The following OSBPL7 variants were observed in gnomAD, a reference collection of about 807,000 sequenced individuals.
The protein encoded by OSBPL7 is oxysterol binding protein like 7.
A neutral mutation model predicts 115.8 loss-of-function variants in OSBPL7; 66 were observed. The ratio of observed to expected loss-of-function variants is 0.57; its 90% CI spans 0.47 to 0.70. The LOEUF is 0.70. Ranked by LOEUF, OSBPL7 falls within the 30% of genes least tolerant of loss-of-function variation. OSBPL7 has a pLI of 0.00. For synonymous variants in OSBPL7, 441 were observed against 439.2 expected (o/e 1.00, Z -0.05); for missense variants, 902 against 1,125.5 (o/e 0.80, Z 2.84).
chr17:47,811,648 G>A (rs1431936004), intron 16 of OSBPL7, among the ~76,000 whole-genome samples: 1 of 152,152 alleles, frequency 6.6e-6, no homozygotes, highest in Non-Finnish European at 1.5e-5. Context: ...CAGGCCCTTC[G>A]AACCTCATTC....
chr17:47,814,446 TG>T, intron 14 of OSBPL7, 74 bp downstream of exon 14: 1 of 1,409,182 alleles, frequency 7.1e-7, no homozygotes. Context: ...GGCCTTTGCA[TG>T]GGCCTGGGCC....
chr17:47,819,663 C>A, intron 4 of OSBPL7, 66 bp downstream of exon 4: 8 of 1,587,774 alleles, frequency 5.0e-6, no homozygotes, highest in Non-Finnish European at 6.9e-6. Flanking sequence ...CCAGATACCC[C>A]ATGCCTGCCC....
At chr17:47,815,478 CCTT>C (rs1242935169) in intron 12 of OSBPL7, 126 bp from the exon 13 acceptor site, 1 of 1,246,736 alleles carries the variant, frequency 8.0e-7, no homozygotes. Flanking sequence ...GAGTCAGACA[CCTT>C]CTGAGCAGAA....
chr17:47,820,828 C>G (rs1433551848), intron 1 of OSBPL7: 1 of 152,392 alleles, frequency 6.6e-6, no homozygotes, highest in Non-Finnish European at 1.5e-5. Flanking sequence ...AGAGACTTCT[C>G]TGCCATGATC....
rs756699341 is a variant in OSBPL7 at position 47,813,656 on chromosome 17, G to C, written c.1530C>G (p.Leu510=). ...LNEPLNTLQR[L]CEELEYSSLL... ...GGCTGCTGTACTCCAGCTCCTCGCA[G>C]AGCCGCTGCAGAGTGTTGAGCGGCT... is the stretch of plus-strand genomic sequence containing the variant. Residue 510 remains leucine (L), a synonymous_variant, in exon 15 of 23, where the codon CTC becomes CTG. Coordinates refer to ENST00000007414, the MANE Select transcript of OSBPL7 (RefSeq NM_145798.3). 4 of 1,613,242 alleles carry C rather than the reference G, an allele frequency of 2.5e-6. No homozygotes were observed. The South Asian group carries it at 4.4e-5, about 18-fold the overall frequency.
Position 47,816,529 on chromosome 17 carries a change from C to G in OSBPL7, c.928+34G>C, listed in dbSNP as rs117765992. 4.4e-6 allele frequency: 7 copies of G among 1,588,194 alleles called. No individual in the cohort carries two copies. The highest frequency in any genetic ancestry group is 4.0e-5 in the African/African-American group (3 of 74,216). On this transcript the variant is annotated intron_variant, in intron 10 of 22. Coordinates refer to ENST00000007414, the MANE Select transcript of OSBPL7 (RefSeq NM_145798.3). The surrounding 1 kb of genome is among the most constrained non-coding windows in gnomAD (Gnocchi z 5.8). ...ATCAGAGTCCTCGCTCGCTCCTGTC[C>G]GCTCCCCACCAGCCCCTCCCAGCAG... is the stretch of plus-strand genomic sequence containing the variant.
At position 47,808,419 on chromosome 17, in the gene OSBPL7, G is replaced by A; in HGVS notation, c.2421-20C>T. 1 of 1,613,910 alleles carries A rather than the reference G, an allele frequency of 6.2e-7. No homozygotes were observed. Among genetic ancestry groups the A allele is most frequent in the Non-Finnish European group, 8.5e-7 (1 of 1,179,782 alleles). ...TGCCGCCTGGTGGGAGAAGGCGGTGGCAGTGAGGGGTGAACATCTAGAAGG... is the reference window on the plus strand; with the variant it reads ...TGCCGCCTGGTGGGAGAAGGCGGTGACAGTGAGGGGTGAACATCTAGAAGG... On this transcript the variant is annotated intron_variant, in intron 22 of 22. Transcript: ENST00000007414. This position sits in a 1 kb window ranked among gnomAD's most constrained non-coding sequence, Gnocchi z 6.1.
intron 13 of OSBPL7, 66 bp downstream of exon 13, chr17:47,815,148 GA>G: frequency 6.4e-7 from 1 of 1,557,906 alleles, no homozygotes; most frequent in Non-Finnish European, 8.7e-7. Context: ...GGTCTCTGTG[GA>G]CCCCACCCTT....
In OSBPL7 at chr17:47,808,981, G is replaced by T; in HGVS notation, c.2180C>A (p.Pro727His). 2 of 1,614,150 alleles carry T rather than the reference G, an allele frequency of 1.2e-6. No individual in the cohort carries two copies. The highest frequency in any genetic ancestry group is 1.7e-6 in the Non-Finnish European group (2 of 1,180,038). Residue 727 changes from proline to histidine, a missense_variant, in exon 21 of 23, where the codon CCC becomes CAC. Pro to His is a moderately conservative substitution (Grantham distance 77). Around this residue, in one of 3 missense-constraint regions of OSBPL7, gnomAD observed 230 missense variants for 312.7 expected, o/e 0.74. Coordinates refer to ENST00000007414, the MANE Select transcript of OSBPL7 (RefSeq NM_145798.3). This position sits in a 1 kb window ranked among gnomAD's most constrained non-coding sequence, Gnocchi z 6.1. Reference protein sequence around the residue: ...GQCIWKPNSMPPDHERNFGFT... With the variant: ...GQCIWKPNSMHPDHERNFGFT... ...GCCGAAGTTTCGCTCATGGTCGGGG[G>T]GCATTGAGTCTGGGGGAAGGCAAGG...
chr17:47,807,795 C>T lies in OSBPL7; in HGVS notation c.*496G>A, dbSNP rs2032902691. ...CCAAAGGGAGCTGGAGAAGGCCCTG[C>T]AGGGCCAGGGAAGGGGAAGAAGATG... On this transcript the variant is annotated 3_prime_UTR_variant, in exon 23 of 23. Coordinates refer to ENST00000007414, the MANE Select transcript of OSBPL7 (RefSeq NM_145798.3). 1.2e-5 allele frequency: 2 copies of T among 161,368 alleles called. No homozygotes were observed. The highest frequency in any genetic ancestry group is 5.9e-5 in the Admixed American group (1 of 16,990). The allele number at this position is 161,368 out of a possible 1,614,324, so 10.0% of individuals were successfully genotyped here.
intron 13 of OSBPL7, chr17:47,814,968 G>A: frequency 1.7e-6 from 1 of 574,082 alleles, no homozygotes; most frequent in Non-Finnish European, 3.0e-6. Flanking sequence ...GACCGGGGTT[G>A]CAACTATGGC....
At chr17:47,817,385 G>C in intron 7 of OSBPL7, 26 bp from the exon 8 acceptor site, 1 of 1,517,704 alleles carries the variant, frequency 6.6e-7, no homozygotes, top group African/African-American at 1.4e-5. Flanking sequence ...ACAAGAACAA[G>C]AACACCATTC....
At chr17:47,820,129 G>C in intron 2 of OSBPL7, 33 bp from the exon 3 acceptor site, 1 of 1,613,328 alleles carries the variant, frequency 6.2e-7, no homozygotes, top group South Asian at 1.1e-5. Context: ...GGGAGCACTG[G>C]TGAGACGTCC....
At chr17:47,820,127 T>A (rs758224413) in intron 2 of OSBPL7, 31 bp from the exon 3 acceptor site, 1 of 1,613,330 alleles carries the variant, frequency 6.2e-7, no homozygotes, top group South Asian at 1.1e-5. Flanking sequence ...AGGGGAGCAC[T>A]GGTGAGACGT....
At chr17:47,811,349 T>A (rs993455101) in intron 16 of OSBPL7, among the ~76,000 whole-genome samples, 3 of 152,098 alleles carry the variant, frequency 2.0e-5, no homozygotes, top group African/African-American at 7.2e-5. Context: ...CTCTCTCCGT[T>A]CCCTGTCGCC....
At position 47,814,817 on chromosome 17, in the gene OSBPL7, G is replaced by A. The variant is rs1473666727; in HGVS notation, c.1258-203C>T. Reference sequence around the variant, plus strand: ...GCCCAGCCACCTTGGGAAGGGGAGGGCCGGGCCCTGTGGCTGGCGGGAAAA... The same window carrying A: ...GCCCAGCCACCTTGGGAAGGGGAGGACCGGGCCCTGTGGCTGGCGGGAAAA... On this transcript the variant is annotated intron_variant, in intron 13 of 22. Coordinates refer to ENST00000007414, the MANE Select transcript of OSBPL7 (RefSeq NM_145798.3). The A allele has an allele frequency of 1.3e-5, 8 of 596,470 alleles. No homozygotes were observed. The African/African-American group carries it at 1.5e-4, about 11-fold the overall frequency. 36.9% of individuals were successfully genotyped at this position (596,470 alleles called of 1,614,324 possible). A position where few individuals can be genotyped will look rare whatever the true frequency, so the allele number is the denominator to read the frequency against.
At position 47,809,446 on chromosome 17, in the gene OSBPL7, G is replaced by A; in HGVS notation, c.1913C>T (p.Thr638Ile). 1.2e-6 allele frequency: 2 copies of A among 1,613,888 alleles called. No individual in the cohort carries two copies. The highest frequency in any genetic ancestry group is 1.7e-6 in the Non-Finnish European group (2 of 1,179,768). The change falls in exon 19 of 23, where the codon ACA (threonine) becomes ATA (isoleucine). Residue 638 changes from threonine (T) to isoleucine (I), a missense_variant. Thr to Ile is a moderately conservative substitution (Grantham distance 89, BLOSUM62 -1). Around this residue, in one of 3 missense-constraint regions of OSBPL7, gnomAD observed 230 missense variants for 312.7 expected, o/e 0.74. Transcript: ENST00000007414. ...ACTCAGGACATTGTGAATGCAGGAT[G>A]TCACCTTGTTCCACTCAAAGTGGTC... Reference protein sequence around the residue: ...FGDHFEWNKVTSCIHNVLSGQ... With the variant: ...FGDHFEWNKVISCIHNVLSGQ...
chr17:47,811,791 C>T (rs977108611), intron 16 of OSBPL7, among the ~76,000 whole-genome samples: 1 of 152,248 alleles, frequency 6.6e-6, no homozygotes, highest in Non-Finnish European at 1.5e-5. Flanking sequence ...CAGTCTTTCC[C>T]TCTTTATTTC....
rs2032942735 is a variant in OSBPL7 at position 47,808,913 on chromosome 17, G to A, written c.2248C>T (p.Leu750=). The change falls in exon 21 of 23, where the codon CTG becomes TTG. Residue 750 remains leucine (L), a synonymous_variant. Coordinates refer to ENST00000007414, the MANE Select transcript of OSBPL7 (RefSeq NM_145798.3). This position sits in a 1 kb window ranked among gnomAD's most constrained non-coding sequence, Gnocchi z 6.1. Reference sequence around the variant, plus strand: ...TCGGTGGAAGGCAGCGACCGTTTCAGCTCTGCTGTCAGCTCATTCAGCTCC... The same window carrying A: ...TCGGTGGAAGGCAGCGACCGTTTCAACTCTGCTGTCAGCTCATTCAGCTCC... ...ALELNELTAE[L]KRSLPSTDTR... is the part of the protein sequence containing the mutation. The A allele has an allele frequency of 8.7e-6, 14 of 1,614,198 alleles. No homozygotes were observed. The highest frequency in any genetic ancestry group is 1.2e-5 in the Non-Finnish European group (14 of 1,180,030).
Sources: gnomAD v4.1 joint callset for allele counts (sites outside exome capture counted in the v4.1 genomes callset) on GRCh38, gnomAD v4.1.1 for gene constraint, gnomAD v4.1.1 regional missense constraint, Gnocchi (gnomAD v3.1) non-coding constraint, MANE v1.5 for transcripts, NCBI Gene and HGNC (gene_info 2026-07-23, HGNC 2026-07-21) for gene names.